SIPA1L2: variants seen among roughly 807,000 people sequenced by gnomAD.
SIPA1L2 encodes the protein signal induced proliferation associated 1 like 2.
In SIPA1L2, 56 loss-of-function variants were observed where a neutral mutation model predicts 163.9. The observed-to-expected ratio is 0.34, with a 90% CI of 0.28 to 0.43. The LOEUF is 0.43. SIPA1L2 is among the 20% of genes least tolerant of loss of function. SIPA1L2 has a pLI of 1.00. For synonymous variants in SIPA1L2, 877 were observed against 865.7 expected (o/e 1.01, Z -0.23); for missense variants, 1,974 against 2,193.5 (o/e 0.90, Z 2.00).
intron 3 of SIPA1L2, among the ~76,000 whole-genome samples, chr1:232,506,400 G>A (rs1666733416): frequency 2.0e-5 from 3 of 152,080 alleles, no homozygotes; most frequent in Admixed American, 1.3e-4. Flanking sequence ...AATTGAGTTG[G>A]GATGTGAACC....
chr1:232,479,583 A>C (rs1262401192), intron 7 of SIPA1L2, 44 bp downstream of exon 7: 14 of 1,520,370 alleles, frequency 9.2e-6, no homozygotes, highest in Non-Finnish European at 1.3e-5. Flanking sequence ...CCCACCTCAG[A>C]TTTCATACTC....
chr1:232,490,349 C>T (rs559550025), intron 5 of SIPA1L2, among the ~76,000 whole-genome samples: 1 of 152,296 alleles, frequency 6.6e-6, no homozygotes, highest in East Asian at 1.9e-4. Flanking sequence ...CCCCAAGGTA[C>T]TCACTACATT....
intron 3 of SIPA1L2, among the ~76,000 whole-genome samples, chr1:232,500,765 G>T (rs957351700): frequency 6.6e-6 from 1 of 152,150 alleles, no homozygotes; most frequent in African/African-American, 2.4e-5. Context: ...GCATAAACTT[G>T]GTAGATTCAA....
intron 2 of SIPA1L2, among the ~76,000 whole-genome samples, chr1:232,532,871 G>A (rs1158846612): frequency 1.3e-5 from 2 of 152,160 alleles, no homozygotes; most frequent in Non-Finnish European, 2.9e-5. Flanking sequence ...TCTACTGCAG[G>A]AGAAACGCTA....
At chr1:232,478,707 T>C (rs1000150365) in intron 7 of SIPA1L2, among the ~76,000 whole-genome samples, 2 of 152,220 alleles carry the variant, frequency 1.3e-5, no homozygotes, top group Non-Finnish European at 1.5e-5. Context: ...TTAACCTAAA[T>C]ACAATCAAAT....
rs1664443975 is a variant in SIPA1L2, at chr1:232,465,201, G to A, written c.2459C>T (p.Ala820Val). 6.2e-7 allele frequency: 1 copy of A among 1,614,032 alleles called. No homozygotes were observed. Among genetic ancestry groups the A allele is most frequent in the African/African-American group, 1.3e-5 (1 of 74,896 alleles). The change falls in exon 9 of 23, where the codon GCC becomes GTC. Residue 820 changes from alanine to valine, a missense_variant. By Grantham distance (64) the Ala-to-Val change is moderately conservative. This residue lies in a region of SIPA1L2 where 288 missense variants were observed against 418.9 expected (regional missense o/e 0.69). Coordinates refer to ENST00000674635, the MANE Select transcript of SIPA1L2 (RefSeq NM_020808.5). This position sits in a 1 kb window ranked among gnomAD's most constrained non-coding sequence, Gnocchi z 4.1. The part of the protein sequence containing the change: ...KDLAENFVTT[A>V]TVDTSVKFSF... ...GAACTTCACAGAGGTATCCACGGTG[G>A]CGGTTGTGACAAAGTTCTCCGCCAG...
chr1:232,479,876 C>T (rs1665237455), intron 6 of SIPA1L2, 146 bp from the exon 7 acceptor site: 1 of 638,638 alleles, frequency 1.6e-6, no homozygotes, highest in Middle Eastern at 3.1e-4. Flanking sequence ...ATCCAGCTTT[C>T]ATCAAGCACT....
chr1:232,483,801 C>G lies in SIPA1L2; in HGVS notation c.1972G>C (p.Asp658His). ...KGFSKYRAQL[D>H]NKTDSTGTHS... Reference sequence around the variant, plus strand: ...CAAACATTAAACTTACTCTTATTGTCTAGCTGAGCTCGATATTTACTAAAT... The same window carrying G: ...CAAACATTAAACTTACTCTTATTGTGTAGCTGAGCTCGATATTTACTAAAT... The change falls in exon 6 of 23, where the codon GAC becomes CAC. Residue 658 changes from aspartate (D) to histidine (H), a missense_variant. Around this residue, in one of 3 missense-constraint regions of SIPA1L2, gnomAD observed 288 missense variants for 418.9 expected, o/e 0.69. Transcript: ENST00000674635. The G allele has an allele frequency of 6.2e-7, 1 of 1,613,904 alleles. No homozygotes were observed. Among genetic ancestry groups the G allele is most frequent in the Non-Finnish European group, 8.5e-7 (1 of 1,179,878 alleles).
At position 232,518,042 on chromosome 1, in the gene SIPA1L2, A is replaced by G. The variant is rs557562616; in HGVS notation, c.-269-2434T>C. On this transcript the variant is annotated intron_variant, in intron 2 of 22. Transcript: ENST00000674635. ...AGCATGGGCAACAAAGTGAGATCCC[A>G]TCTCAAATAAAGATTTTACAATATA... 1.4e-4 allele frequency among the ~76,000 whole-genome samples: 22 copies of G among 152,354 alleles called. No individual in the cohort carries two copies. In the East Asian group the frequency reaches 4.2e-3, roughly 29 times the overall value.
chr1:232,441,658 T>A, intron 13 of SIPA1L2, 110 bp downstream of exon 13: 1 of 963,558 alleles, frequency 1.0e-6, no homozygotes, highest in Non-Finnish European at 1.6e-6. Context: ...CTCAACTTGG[T>A]GCACATAGGT....
At chr1:232,476,284 G>A (rs1273827951) in intron 7 of SIPA1L2, among the ~76,000 whole-genome samples, 1 of 152,096 alleles carries the variant, frequency 6.6e-6, no homozygotes, top group African/African-American at 2.4e-5. Flanking sequence ...CCTTTAATTA[G>A]CATCTCAGAA....
intron 5 of SIPA1L2, among the ~76,000 whole-genome samples, chr1:232,489,977 A>G (rs1289217294): frequency 6.6e-6 from 1 of 152,154 alleles, no homozygotes; most frequent in Non-Finnish European, 1.5e-5. Flanking sequence ...TGATCTCCAC[A>G]TAGCCATCAG....
Position 232,629,981 on chromosome 1 carries a change from T to C in SIPA1L2, c.-431A>G, listed in dbSNP as rs569632238. 5.0e-3 allele frequency among the ~76,000 whole-genome samples: 752 copies of C among 150,226 alleles called. 8 individuals carry two copies. The highest frequency in any genetic ancestry group is 0.017 in the African/African-American group (706 of 41,172). ...CCCGGGGCTGCCCATCGGCCCGGAC[T>C]CTCCCCGCGCCGGGCTCCGGCGGAG... On this transcript the variant is annotated 5_prime_UTR_variant, in exon 1 of 23. Transcript: ENST00000674635.
intron 2 of SIPA1L2, among the ~76,000 whole-genome samples, chr1:232,540,084 A>G (rs997773540): frequency 6.6e-6 from 1 of 152,146 alleles, no homozygotes; most frequent in African/African-American, 2.4e-5. Context: ...TGGGTGGATC[A>G]TAAGAGGTCA....
intron 16 of SIPA1L2, among the ~76,000 whole-genome samples, chr1:232,429,815 G>A (rs1257476550): frequency 1.3e-5 from 2 of 152,146 alleles, no homozygotes. Flanking sequence ...TCGATCCTGA[G>A]GTGAGTTAGG....
chr1:232,466,530 C>T (rs1035206330), intron 8 of SIPA1L2, among the ~76,000 whole-genome samples: 1 of 152,266 alleles, frequency 6.6e-6, no homozygotes, highest in African/African-American at 2.4e-5. Context: ...GTGGCTCATG[C>T]CTGTAATCCC....
At chr1:232,531,052 C>T (rs1416767241) in intron 2 of SIPA1L2, among the ~76,000 whole-genome samples, 2 of 152,210 alleles carry the variant, frequency 1.3e-5, no homozygotes, top group African/African-American at 4.8e-5. Context: ...AAAATATACT[C>T]TAAATTGCAA....
intron 2 of SIPA1L2, among the ~76,000 whole-genome samples, chr1:232,545,219 G>A (rs1190729792): frequency 6.6e-6 from 1 of 152,226 alleles, no homozygotes; most frequent in African/African-American, 2.4e-5. Context: ...AAGGTTCCCT[G>A]TAGCATAGCA....
At chr1:232,585,109 T>A (rs1056010038) in intron 1 of SIPA1L2, among the ~76,000 whole-genome samples, 23 of 152,346 alleles carry the variant, frequency 1.5e-4, no homozygotes, top group African/African-American at 5.3e-4. Flanking sequence ...CAAAGCTAAC[T>A]TCTGTAATAA....
Sources: gnomAD v4.1 joint callset for allele counts (sites outside exome capture counted in the v4.1 genomes callset) on GRCh38, gnomAD v4.1.1 for gene constraint, gnomAD v4.1.1 regional missense constraint, Gnocchi (gnomAD v3.1) non-coding constraint, MANE v1.5 for transcripts, NCBI Gene and HGNC (gene_info 2026-07-23, HGNC 2026-07-21) for gene names.